ADGRL3: variants seen among roughly 807,000 people sequenced by gnomAD.
The protein encoded by ADGRL3 is calcium-independent alpha-latrotoxin receptor 3.
ADGRL3 carries 62 observed loss-of-function variants against 153.5 expected under a neutral mutation model. The observed-to-expected ratio is 0.40, with a 90% confidence interval of 0.33 to 0.50. ADGRL3 has a LOEUF of 0.50. ADGRL3 is among the 20% of genes least tolerant of loss of function. The probability of loss-of-function intolerance (pLI) is 0.47; values close to 1 mark genes in which losing one functional copy is unlikely to be tolerated. For synonymous variants in ADGRL3, 710 were observed against 672.5 expected (o/e 1.06, Z -0.86); for missense variants, 1,641 against 1,859.4 (o/e 0.88, Z 2.16).
chr4:62,068,603 A>G (rs931179124), intron 26 of ADGRL3, among the ~76,000 whole-genome samples: 13 of 152,138 alleles, frequency 8.5e-5, no homozygotes, highest in African/African-American at 3.1e-4. Context: ...ACGTGTTTCA[A>G]TGCATCAGCC....
chr4:61,362,332 A>ATGTG (rs1027865469), intron 1 of ADGRL3, among the ~76,000 whole-genome samples: 3 of 150,302 alleles, frequency 2.0e-5, no homozygotes, highest in Admixed American at 2.0e-4. Flanking sequence ...AAAATTATAT[A>ATGTG]TATATATATA....
rs556024570 is a variant in ADGRL3, at chr4:62,033,630, T to A, written c.3591+2020T>A. On this transcript the variant is annotated intron_variant, in intron 23 of 26. Transcript: ENST00000683033. ...GCTCAAGAGAAATAGATGCAAAAAA[T>A]GTGAGCAAAATCAGGAGATTAAGGA... Among the ~76,000 whole-genome samples the A allele has an allele frequency of 1.9e-4, 29 of 151,642 alleles. No homozygotes were observed. In the South Asian group the frequency reaches 4.8e-3, roughly 25 times the overall value.
At chr4:61,791,767 C>G (rs1458698951) in intron 8 of ADGRL3, among the ~76,000 whole-genome samples, 1 of 152,190 alleles carries the variant, frequency 6.6e-6, no homozygotes, top group Non-Finnish European at 1.5e-5. Context: ...TCTCAAACCC[C>G]AATTCTTGAC....
At chr4:61,414,346 A>G (rs1397048821) in intron 2 of ADGRL3, among the ~76,000 whole-genome samples, 1 of 152,170 alleles carries the variant, frequency 6.6e-6, no homozygotes, top group Admixed American at 6.6e-5. Flanking sequence ...CTTGTATGTG[A>G]TTTAGAGAAA....
chr4:61,573,489 AT>A (rs2098847432), intron 4 of ADGRL3, among the ~76,000 whole-genome samples: 1 of 151,904 alleles, frequency 6.6e-6, no homozygotes, highest in Non-Finnish European at 1.5e-5. Flanking sequence ...CATATATCTA[AT>A]TTCTAATTCT....
chr4:61,781,169 A>G (rs2097208440), intron 8 of ADGRL3, among the ~76,000 whole-genome samples: 1 of 152,032 alleles, frequency 6.6e-6, no homozygotes. Flanking sequence ...TCTACTAAAA[A>G]TACAAAATTA....
intron 5 of ADGRL3, among the ~76,000 whole-genome samples, chr4:61,611,222 G>A (rs1429861877): frequency 6.6e-6 from 1 of 152,070 alleles, no homozygotes; most frequent in Non-Finnish European, 1.5e-5. Context: ...GGCAGACAGA[G>A]GAAATAGATG....
chr4:61,422,716 T>G (rs2097220959), intron 2 of ADGRL3, among the ~76,000 whole-genome samples: 1 of 152,186 alleles, frequency 6.6e-6, no homozygotes, highest in Admixed American at 6.5e-5. Flanking sequence ...TATGAATGAA[T>G]AGTAATCTGC....
chr4:61,374,295 C>G (rs1463929032), intron 1 of ADGRL3, among the ~76,000 whole-genome samples: 1 of 152,114 alleles, frequency 6.6e-6, no homozygotes, highest in Non-Finnish European at 1.5e-5. Context: ...GTCAGTTTGT[C>G]AATACTCTGC....
At chr4:61,939,442 T>C (rs2098863482) in intron 15 of ADGRL3, among the ~76,000 whole-genome samples, 1 of 152,024 alleles carries the variant, frequency 6.6e-6, no homozygotes, top group Non-Finnish European at 1.5e-5. Flanking sequence ...TTATTACTAT[T>C]TCTGTAGACA....
Position 61,631,252 on chromosome 4 carries a change from T to G in ADGRL3, c.473+43812T>G, listed in dbSNP as rs78587275. On this transcript the variant is annotated intron_variant, in intron 5 of 26. Coordinates refer to ENST00000683033, the MANE Select transcript of ADGRL3 (RefSeq NM_001387552.1). ...TTCTAAATTCAATTTTATGGAATAG[T>G]CATAACCAGTGATGTATTAATGAAT... Among the ~76,000 whole-genome samples the G allele has an allele frequency of 9.6e-3, 1,467 of 152,292 alleles. 12 individuals are homozygous for G. The highest frequency in any genetic ancestry group is 0.015 in the Non-Finnish European group (1,054 of 68,020).
chr4:61,960,824 C>T lies in ADGRL3; in HGVS notation c.2805+12548C>T, dbSNP rs190475045. 5.0e-3 allele frequency among the ~76,000 whole-genome samples: 757 copies of T among 152,244 alleles called. 4 individuals are homozygous for T. The highest frequency in any genetic ancestry group is 0.017 in the African/African-American group (724 of 41,536). ...CTCCCAGGTTCAAGCGATTCTCTGT[C>T]TCAGCCTCCCGAGTAGCTGGGACTA... On this transcript the variant is annotated intron_variant, in intron 17 of 26. Transcript: ENST00000683033.
Position 61,433,014 on chromosome 4 carries a change from C to T in ADGRL3, c.-174+49825C>T, listed in dbSNP as rs560146446. 3.3e-5 allele frequency among the ~76,000 whole-genome samples: 5 copies of T among 152,126 alleles called. No homozygotes were observed. The East Asian group carries it at 9.7e-4, about 29-fold the overall frequency. ...AATTCTAGATCAAAGATGCATAGAA[C>T]AGAGAAATAAAATTATTATTTTTCT... On this transcript the variant is annotated intron_variant, in intron 2 of 26. Coordinates refer to ENST00000683033, the MANE Select transcript of ADGRL3 (RefSeq NM_001387552.1).
At chr4:62,047,955 A>T (rs1011497120) in intron 25 of ADGRL3, among the ~76,000 whole-genome samples, 41 of 152,162 alleles carry the variant, frequency 2.7e-4, no homozygotes, top group African/African-American at 9.7e-4. Flanking sequence ...TTCAACAAAG[A>T]TGAACTCTAG....
chr4:61,289,138 T>C (rs1290662758), intron 1 of ADGRL3, among the ~76,000 whole-genome samples: 1 of 151,956 alleles, frequency 6.6e-6, no homozygotes, highest in Non-Finnish European at 1.5e-5. Flanking sequence ...TTATCATATT[T>C]TCTTTCATTT....
intron 6 of ADGRL3, among the ~76,000 whole-genome samples, chr4:61,714,248 T>C (rs963238247): frequency 2.3e-4 from 10 of 43,764 alleles, no homozygotes; most frequent in African/African-American, 1.4e-3. Flanking sequence ...TAAAAATACA[T>C]TTTGCAGTAA....
intron 2 of ADGRL3, chr4:61,385,860 A>G (rs959039390): frequency 6.6e-6 from 1 of 152,114 alleles, no homozygotes; most frequent in Non-Finnish European, 1.5e-5. Context: ...ATGTATATGC[A>G]TATGTATAGA....
At position 61,438,898 on chromosome 4, in the gene ADGRL3, G is replaced by A. The variant is rs137987495; in HGVS notation, c.-174+55709G>A. ...AATTTTTTGTATTTTTAGTAGAGAC[G>A]GGGTTTCACCATTTTAGCCAGGATG... On this transcript the variant is annotated intron_variant, in intron 2 of 26. Transcript: ENST00000683033. Among the ~76,000 whole-genome samples the A allele has an allele frequency of 8.9e-3, 1,355 of 151,696 alleles. 23 individuals carry two copies. Among genetic ancestry groups the A allele is most frequent in the African/African-American group, 0.029 (1,200 of 41,356 alleles).
At chr4:61,248,609 A>G (rs1757992381) in intron 1 of ADGRL3, among the ~76,000 whole-genome samples, 1 of 152,190 alleles carries the variant, frequency 6.6e-6, no homozygotes. Context: ...AAAATCTTAA[A>G]TGGATTTAAA....
Sources: gnomAD v4.1 joint callset for allele counts (sites outside exome capture counted in the v4.1 genomes callset) on GRCh38, gnomAD v4.1.1 for gene constraint, MANE v1.5 for transcripts, NCBI Gene and HGNC (gene_info 2026-07-23, HGNC 2026-07-21) for gene names.